The following DPYSL5 variants were observed in gnomAD, a reference collection of about 807,000 sequenced individuals.
DPYSL5 encodes the protein dihydropyrimidinase like 5, also known as dihydropyrimidinase-related protein 5.
DPYSL5 carries 9 observed loss-of-function variants against 58.4 expected under a neutral mutation model. The observed-to-expected ratio is 0.15, with a 90% CI of 0.09 to 0.27. The LOEUF is 0.27. Ranked by LOEUF, DPYSL5 falls within the 10% of genes least tolerant of loss-of-function variation. The pLI is 1.00. For synonymous variants in DPYSL5, 293 were observed against 301.9 expected (o/e 0.97, Z 0.31); for missense variants, 499 against 770.6 (o/e 0.65, Z 4.17).
At chr2:26,929,951 G>C (rs1664929812) in intron 5 of DPYSL5, among the ~76,000 whole-genome samples, 1 of 152,208 alleles carries the variant, frequency 6.6e-6, no homozygotes, top group African/African-American at 2.4e-5. Context: ...TTTCTTCAAA[G>C]CCTAAAAATG....
rs534233405 is a variant in DPYSL5, at chr2:26,942,819, T to G, written c.1440+69T>G. 1,949 of 1,549,022 alleles carry G rather than the reference T, an allele frequency of 1.3e-3. 4 individuals are homozygous for G. The highest frequency in any genetic ancestry group is 1.6e-3 in the Non-Finnish European group (1,785 of 1,129,436). ...CCGGGGAACATCCTCCATGACTGTT[T>G]TAAATCTCAAAGAGATGTTCACTCC... On this transcript the variant is annotated intron_variant, in intron 11 of 12. Transcript: ENST00000288699. This position sits in a 1 kb window ranked among gnomAD's most constrained non-coding sequence, Gnocchi z 5.9.
At chr2:26,928,704 T>TATATATATACACACACAC in intron 5 of DPYSL5, among the ~76,000 whole-genome samples, 52 of 62,982 alleles carry the variant, frequency 8.3e-4, no homozygotes, top group African/African-American at 2.0e-3. Context: ...TATATATATA[T>TATATATATACACACACAC]ACACACACAC....
At chr2:26,928,873 A>G (rs1343527353) in intron 5 of DPYSL5, among the ~76,000 whole-genome samples, 1 of 151,308 alleles carries the variant, frequency 6.6e-6, no homozygotes, top group Non-Finnish European at 1.5e-5. Context: ...GCTGTGCCCA[A>G]AACTGAATCA....
chr2:26,875,660 C>A (rs572579116), intron 1 of DPYSL5, among the ~76,000 whole-genome samples: 22 of 152,284 alleles, frequency 1.4e-4, no homozygotes, highest in African/African-American at 5.3e-4. Flanking sequence ...GGACTCTACA[C>A]CTGCCTTCTG....
chr2:26,939,565 A>AT (rs1665264768), intron 8 of DPYSL5: 1 of 162,164 alleles, frequency 6.2e-6, no homozygotes, highest in Non-Finnish European at 1.4e-5. Context: ...CTTCTGGGCC[A>AT]TTAGAATCCC....
intron 2 of DPYSL5, among the ~76,000 whole-genome samples, chr2:26,899,006 G>A (rs570704373): frequency 6.6e-6 from 1 of 152,274 alleles, no homozygotes; most frequent in South Asian, 2.1e-4. Flanking sequence ...CAAGTACCCA[G>A]GCTGAGAACT....
Position 26,947,247 on chromosome 2 carries a change from CCAGGAAGCCCACACTATGCA to C in DPYSL5, c.*256_*275del. The C allele has an allele frequency of 2.1e-6, 1 of 466,084 alleles. No homozygotes were observed. The highest frequency in any genetic ancestry group is 4.0e-6 in the Non-Finnish European group (1 of 252,844). The allele number at this position is 466,084 out of a possible 1,614,324, so 28.9% of individuals were successfully genotyped here. A position where few individuals can be genotyped will look rare whatever the true frequency, so the allele number is the denominator to read the frequency against. On this transcript the variant is annotated 3_prime_UTR_variant, in exon 13 of 13. Transcript: ENST00000288699. This position sits in a 1 kb window ranked among gnomAD's most constrained non-coding sequence, Gnocchi z 4.2. The stretch of plus-strand genomic sequence containing the variant: ...TGGCCTCGGCGGGCTTTTCTGGGGC[CCAGGAAGCCCACACTATGCA>C]CAGAGCCCAATGCATAGAGCCCTGG...
Position 26,947,153 on chromosome 2 carries a change from C to T in DPYSL5, c.*158C>T. ...CCCTCCCTATGTCTGCAAAGTGATT[C>T]ACTGTGCTTCGAGCCAACTCTAACA... On this transcript the variant is annotated 3_prime_UTR_variant, in exon 13 of 13. Transcript: ENST00000288699. This position sits in a 1 kb window ranked among gnomAD's most constrained non-coding sequence, Gnocchi z 4.2. The T allele has an allele frequency of 1.7e-6, 1 of 602,570 alleles. No individual in the cohort carries two copies. The highest frequency in any genetic ancestry group is 2.0e-5 in the South Asian group (1 of 50,324). 37.3% of individuals were successfully genotyped at this position (602,570 alleles called of 1,614,324 possible).
chr2:26,940,826 G>A (rs1665298254), intron 9 of DPYSL5, among the ~76,000 whole-genome samples: 1 of 151,650 alleles, frequency 6.6e-6, no homozygotes, highest in Admixed American at 6.6e-5. Flanking sequence ...CTTCCCTGAT[G>A]TTTGGGACTT....
Position 26,925,334 on chromosome 2 carries a change from G to A in DPYSL5, c.420+289G>A, listed in dbSNP as rs1664802700. Among the ~76,000 whole-genome samples, 1 of 152,176 alleles carries A rather than the reference G, an allele frequency of 6.6e-6. No individual in the cohort carries two copies. The highest frequency in any genetic ancestry group is 2.4e-5 in the African/African-American group (1 of 41,434). ...GACCATGAGGCTCTTACCGTCTCGT[G>A]TGAATGTAGGGCACCACTGACAGGT... is the stretch of plus-strand genomic sequence containing the variant. On this transcript the variant is annotated intron_variant, in intron 3 of 12. Transcript: ENST00000288699. This position sits in a 1 kb window ranked among gnomAD's most constrained non-coding sequence, Gnocchi z 4.5.
intron 1 of DPYSL5, among the ~76,000 whole-genome samples, chr2:26,856,165 C>T (rs1193678098): frequency 6.6e-6 from 1 of 152,132 alleles, no homozygotes; most frequent in Non-Finnish European, 1.5e-5. Context: ...CCCATGTAAT[C>T]TGCACCAAAT....
chr2:26,947,264 T>C lies in DPYSL5; in HGVS notation c.*269T>C, dbSNP rs966834939. 2.3e-5 allele frequency: 10 copies of C among 428,286 alleles called. No individual in the cohort carries two copies. Among genetic ancestry groups the C allele is most frequent in the Non-Finnish European group, 4.3e-5 (10 of 230,372 alleles). The allele number at this position is 428,286 out of a possible 1,614,324, so 26.5% of individuals were successfully genotyped here. A position where few individuals can be genotyped will look rare whatever the true frequency, so the allele number is the denominator to read the frequency against. On this transcript the variant is annotated 3_prime_UTR_variant, in exon 13 of 13. Coordinates refer to ENST00000288699, the MANE Select transcript of DPYSL5 (RefSeq NM_020134.4). This position sits in a 1 kb window ranked among gnomAD's most constrained non-coding sequence, Gnocchi z 4.2. ...TCTGGGGCCCAGGAAGCCCACACTA[T>C]GCACAGAGCCCAATGCATAGAGCCC...
intron 11 of DPYSL5, among the ~76,000 whole-genome samples, chr2:26,943,260 A>G (rs974376035): frequency 6.6e-6 from 1 of 152,032 alleles, no homozygotes; most frequent in Non-Finnish European, 1.5e-5. Flanking sequence ...TTTCAGAGAA[A>G]CCAAGGACCC....
In DPYSL5 at chr2:26,932,324, G is replaced by A. The variant is rs78879841; in HGVS notation, c.714+640G>A. Among the ~76,000 whole-genome samples the A allele has an allele frequency of 3.0e-4, 45 of 152,306 alleles. No homozygotes were observed. In the East Asian group the frequency reaches 5.6e-3, roughly 19 times the overall value. The stretch of plus-strand genomic sequence containing the variant: ...ACCCAGAGCTGTTTGCTGACTGAGC[G>A]CTGTCATGCCCACCATCCTTGCATT... On this transcript the variant is annotated intron_variant, in intron 6 of 12. Coordinates refer to ENST00000288699, the MANE Select transcript of DPYSL5 (RefSeq NM_020134.4).
chr2:26,889,693 G>GAA (rs112768243), intron 1 of DPYSL5, among the ~76,000 whole-genome samples: 1,677 of 139,392 alleles, frequency 0.012, 42 homozygotes, highest in African/African-American at 0.042. Context: ...ATAGCGTAGG[G>GAA]AAAAAAAAAA....
chr2:26,946,535 A>G (rs1665489913), intron 12 of DPYSL5, among the ~76,000 whole-genome samples: 1 of 151,046 alleles, frequency 6.6e-6, no homozygotes, highest in Admixed American at 6.6e-5. Context: ...GCATACCCTC[A>G]TTTTTCTCTC....
chr2:26,848,300 G>A (rs1194187749), intron 1 of DPYSL5, 46 bp downstream of exon 1: 2 of 152,262 alleles, frequency 1.3e-5, no homozygotes, highest in Non-Finnish European at 2.9e-5. Flanking sequence ...TCCCGGGCTA[G>A]GACATCCTCC....
rs762470945 is a variant in DPYSL5, at chr2:26,927,408, T to A, written c.576T>A (p.Ala192=). 17 of 1,614,012 alleles carry A rather than the reference T, an allele frequency of 1.1e-5. No homozygotes were observed. Among genetic ancestry groups the A allele is most frequent in the Non-Finnish European group, 1.4e-5 (17 of 1,180,008 alleles). Residue 192 remains alanine, a synonymous_variant, in exon 4 of 13, where the codon GCT becomes GCA. Coordinates refer to ENST00000288699, the MANE Select transcript of DPYSL5 (RefSeq NM_020134.4). The surrounding 1 kb of genome is among the most constrained non-coding windows in gnomAD (Gnocchi z 4.3). ...KDIGAIARVH[A]ENGELVAEGA... ...TTGGGGCAATCGCCCGCGTCCATGC[T>A]GAAAATGGGGAGCTTGTGGCCGAGG...
chr2:26,946,787 GGGATGGAGT>G, intron 12 of DPYSL5, 114 bp from the exon 13 acceptor site: 1 of 665,660 alleles, frequency 1.5e-6, no homozygotes, highest in Non-Finnish European at 2.7e-6. Flanking sequence ...TCTATAAGAT[GGGATGGAGT>G]GGCTGTGAGG....
Sources: gnomAD v4.1 joint callset for allele counts (sites outside exome capture counted in the v4.1 genomes callset) on GRCh38, gnomAD v4.1.1 for gene constraint, Gnocchi (gnomAD v3.1) non-coding constraint, MANE v1.5 for transcripts, NCBI Gene and HGNC (gene_info 2026-07-23, HGNC 2026-07-21) for gene names.